Variants in TMEM132D observed in about 807,000 individuals in gnomAD.
TMEM132D encodes mature OL transmembrane protein.
TMEM132D carries 21 observed loss-of-function variants against 62.3 expected under a neutral mutation model. The ratio of observed to expected loss-of-function variants is 0.34; its 90% CI spans 0.24 to 0.49. The LOEUF is 0.49. TMEM132D is among the 20% of genes least tolerant of loss of function. The pLI is 0.99. For missense variants in TMEM132D, 1,346 were observed against 1,402.8 expected (o/e 0.96, Z 0.65); for synonymous variants, 621 against 575.6 (o/e 1.08, Z -1.13).
intron 1 of TMEM132D, among the ~76,000 whole-genome samples, chr12:129,707,012 C>T (rs1881521459): frequency 6.6e-6 from 1 of 151,100 alleles, no homozygotes; most frequent in Admixed American, 6.6e-5. Context: ...AATTGATCAA[C>T]TAAACACTCA....
intron 2 of TMEM132D, among the ~76,000 whole-genome samples, chr12:129,586,446 T>G (rs886260482): frequency 2.0e-5 from 3 of 152,212 alleles, no homozygotes; most frequent in Non-Finnish European, 4.4e-5. Context: ...TATCCCAGAC[T>G]GGGTGGCTTA....
At chr12:129,308,206 T>C (rs1054525663) in intron 4 of TMEM132D, among the ~76,000 whole-genome samples, 2 of 152,238 alleles carry the variant, frequency 1.3e-5, no homozygotes, top group Admixed American at 6.5e-5. Context: ...TGTTAAAGCA[T>C]GCTGTTTGAT....
At chr12:129,450,572 A>G (rs576157178) in intron 3 of TMEM132D, among the ~76,000 whole-genome samples, 1 of 152,200 alleles carries the variant, frequency 6.6e-6, no homozygotes, top group South Asian at 2.1e-4. Context: ...AAAGAAAAAA[A>G]CAAGCAGTAC....
chr12:129,253,807 A>T (rs143090935), intron 4 of TMEM132D, among the ~76,000 whole-genome samples: 1 of 152,288 alleles, frequency 6.6e-6, no homozygotes, highest in African/African-American at 2.4e-5. Flanking sequence ...ATGCACTTCC[A>T]GGGGAGACTG....
At chr12:129,290,656 C>G (rs529718218) in intron 4 of TMEM132D, among the ~76,000 whole-genome samples, 1 of 152,144 alleles carries the variant, frequency 6.6e-6, no homozygotes, top group Non-Finnish European at 1.5e-5. Context: ...CTGTTCATTT[C>G]TAATGAGGGG....
chr12:129,687,889 C>T (rs1880970645), intron 2 of TMEM132D, among the ~76,000 whole-genome samples: 1 of 152,154 alleles, frequency 6.6e-6, no homozygotes, highest in Non-Finnish European at 1.5e-5. Context: ...AGGGAGATTA[C>T]ATGAAACCAC....
At chr12:129,836,201 GA>G (rs1263442276) in intron 1 of TMEM132D, among the ~76,000 whole-genome samples, 2 of 152,136 alleles carry the variant, frequency 1.3e-5, no homozygotes, top group Non-Finnish European at 2.9e-5. Flanking sequence ...CCTCTCAAAG[GA>G]AGGATGGTTA....
chr12:129,710,959 G>A (rs986666886), intron 1 of TMEM132D, among the ~76,000 whole-genome samples: 3 of 144,978 alleles, frequency 2.1e-5, no homozygotes, highest in Non-Finnish European at 1.5e-5. Flanking sequence ...GTTTAGCCTC[G>A]GTGTGCACGC....
At position 129,842,205 on chromosome 12, in the gene TMEM132D, C is replaced by T. The variant is rs142417313; in HGVS notation, c.79+61056G>A. Among the ~76,000 whole-genome samples, 286 of 151,252 alleles carry T rather than the reference C, an allele frequency of 1.9e-3. 2 individuals carry two copies. The highest frequency in any genetic ancestry group is 6.4e-3 in the African/African-American group (263 of 41,022). On this transcript the variant is annotated intron_variant, in intron 1 of 8. Transcript: ENST00000422113. ...CCTTGTGATCCACCCGCCTCGGCCT[C>T]CCAAAGTGCTGGGATGACAGGCGTG...
At chr12:129,623,812 A>T (rs1281614932) in intron 2 of TMEM132D, among the ~76,000 whole-genome samples, 1 of 151,484 alleles carries the variant, frequency 6.6e-6, no homozygotes, top group Non-Finnish European at 1.5e-5. Context: ...CCTACTTATC[A>T]GTTGATGGAC....
chr12:129,507,282 C>T (rs1028420241), intron 3 of TMEM132D, among the ~76,000 whole-genome samples: 7 of 152,112 alleles, frequency 4.6e-5, no homozygotes, highest in African/African-American at 1.7e-4. Context: ...TTAGTACAAA[C>T]ACTATGCAAA....
intron 1 of TMEM132D, chr12:129,853,854 A>G (rs1873625163): frequency 6.6e-6 from 1 of 152,262 alleles, no homozygotes; most frequent in South Asian, 2.1e-4. Flanking sequence ...AGTTTACTGC[A>G]ATACACTCAT....
At chr12:129,760,660 CTTTT>C (rs1344559886) in intron 1 of TMEM132D, among the ~76,000 whole-genome samples, 1 of 133,854 alleles carries the variant, frequency 7.5e-6, no homozygotes, top group Non-Finnish European at 1.6e-5. Context: ...TTTTTTTTTT[CTTTT>C]TTTAAGTTCT....
intron 2 of TMEM132D, among the ~76,000 whole-genome samples, chr12:129,659,067 ATT>A (rs11383730): frequency 6.7e-6 from 1 of 150,004 alleles, no homozygotes; most frequent in African/African-American, 2.5e-5. Flanking sequence ...TACATGGCTA[ATT>A]TTTTTTTTGT....
intron 4 of TMEM132D, among the ~76,000 whole-genome samples, chr12:129,331,895 G>A (rs1869115632): frequency 6.6e-6 from 1 of 152,116 alleles, no homozygotes; most frequent in Admixed American, 6.5e-5. Flanking sequence ...CACTACAAAG[G>A]GGACTCCAAC....
intron 3 of TMEM132D, among the ~76,000 whole-genome samples, chr12:129,426,294 A>T (rs761124707): frequency 2.6e-5 from 4 of 152,170 alleles, no homozygotes; most frequent in Non-Finnish European, 4.4e-5. Flanking sequence ...AAACAGCAGG[A>T]GAAAGGAGGT....
chr12:129,879,747 G>C (rs990824608), intron 1 of TMEM132D, among the ~76,000 whole-genome samples: 27 of 152,148 alleles, frequency 1.8e-4, no homozygotes, highest in African/African-American at 6.0e-4. Flanking sequence ...CTGATTTATA[G>C]ATTAAAAATG....
chr12:129,366,223 C>T (rs1160837203), intron 3 of TMEM132D, among the ~76,000 whole-genome samples: 1 of 152,066 alleles, frequency 6.6e-6, no homozygotes, highest in Non-Finnish European at 1.5e-5. Context: ...GTGTCCCCGC[C>T]CAAATCTCCT....
At chr12:129,076,801 A>G (rs566183013) in intron 8 of TMEM132D, among the ~76,000 whole-genome samples, 1 of 152,330 alleles carries the variant, frequency 6.6e-6, no homozygotes, top group South Asian at 2.1e-4. Context: ...TTAGCTCTGC[A>G]TGTCAGGAAC....
Sources: allele counts gnomAD v4.1 joint callset (sites outside exome capture counted in the v4.1 genomes callset), GRCh38; gene constraint gnomAD v4.1.1; transcripts MANE v1.5; gene names NCBI Gene and HGNC (gene_info 2026-07-23, HGNC 2026-07-21).